MYH3: variants seen among roughly 807,000 people sequenced by gnomAD.
MYH3 encodes myosin-3.
Under a neutral mutation model 238.0 loss-of-function variants are expected in MYH3, and 130 were observed. That is an observed-to-expected ratio of 0.55 (90% CI 0.47 to 0.63). The LOEUF is 0.63. Among genes scored for constraint, MYH3 ranks in the 30% least tolerant of loss-of-function variants. The pLI is 0.00. For synonymous variants in MYH3, 880 were observed against 924.1 expected, an observed-to-expected ratio of 0.95 and a Z score of 0.86; for missense variants, 1,853 against 2,374.9, an observed-to-expected ratio of 0.78 and a Z score of 4.57.
intron 17 of MYH3, 84 bp from the exon 18 acceptor site, chr17:10,641,456 T>C (rs772571803): frequency 1.9e-6 from 2 of 1,039,116 alleles, no homozygotes; most frequent in East Asian, 2.4e-5. Context: ...ATAAGATCTA[T>C]GTTTAAAATT....
the MYH3 span, among the ~76,000 whole-genome samples, chr17:10,667,885 T>C: frequency 6.6e-6 from 1 of 152,186 alleles, no homozygotes; most frequent in Non-Finnish European, 1.5e-5. Context: ...TGCCTTCTTA[T>C]ATGATTTTGA....
At chr17:10,631,539 G>A (rs2074157154) in intron 36 of MYH3, 72 bp downstream of exon 36, 1 of 1,610,972 alleles carries the variant, frequency 6.2e-7, no homozygotes, top group South Asian at 1.1e-5. Flanking sequence ...GACCGCACCT[G>A]TCTAACTATG....
At chr17:10,653,745 C>T (rs2074400844) in intron 3 of MYH3, among the ~76,000 whole-genome samples, 1 of 152,196 alleles carries the variant, frequency 6.6e-6, no homozygotes. Flanking sequence ...GGAAACCTGC[C>T]TTTTCCCTGC....
At position 10,652,480 on chromosome 17, in the gene MYH3, G is replaced by C. The variant is rs755880674; in HGVS notation, c.288C>G (p.His96Gln). 1.2e-6 allele frequency: 2 copies of C among 1,614,084 alleles called. No individual in the cohort carries two copies. Among genetic ancestry groups the C allele is most frequent in the Admixed American group, 1.7e-5 (1 of 60,022 alleles). The change falls in exon 4 of 41, where the codon CAC becomes CAG. Residue 96 changes from histidine to glutamine, a missense_variant. His to Gln is a conservative substitution (Grantham distance 24). Around this residue, in one of 3 missense-constraint regions of MYH3, gnomAD observed 131 missense variants for 123.5 expected, o/e 1.06. Coordinates refer to ENST00000583535, the MANE Select transcript of MYH3 (RefSeq NM_002470.4). ...DRIEDMAMLT[H>Q]LNEPAVLYNL... ...TGTACAGCACGGCTGGCTCATTCAGGTGCGTCAGCATGGCCATGTCTTCGA... is the reference window on the plus strand; with the variant it reads ...TGTACAGCACGGCTGGCTCATTCAGCTGCGTCAGCATGGCCATGTCTTCGA...
At position 10,640,590 on chromosome 17, in the gene MYH3, G is replaced by A. The variant is rs148486334; in HGVS notation, c.2262C>T (p.His754=). Residue 754 remains histidine (H), a synonymous_variant, in exon 20 of 41, where the codon CAC becomes CAT. Transcript: ENST00000583535. ...EKLLASIDID[H]TQYKFGHTKV... ...TGGTATGTCCAAATTTGTACTGAGTGTGGTCAATATCAATGGATGCCAGAA... is the reference window on the plus strand; with the variant it reads ...TGGTATGTCCAAATTTGTACTGAGTATGGTCAATATCAATGGATGCCAGAA... The A allele has an allele frequency of 1.0e-4, 165 of 1,614,258 alleles. No homozygotes were observed. In the African/African-American group the frequency reaches 2.0e-3, roughly 20 times the overall value.
chr17:10,638,770 G>T (rs949159075), intron 26 of MYH3, 103 bp downstream of exon 26: 1 of 1,168,092 alleles, frequency 8.6e-7, no homozygotes, highest in Non-Finnish European at 1.3e-6. Context: ...GAGGCAGGTG[G>T]CCCCACAGTC....
chr17:10,661,247 G>A (rs1198344840), upstream of MYH3, among the ~76,000 whole-genome samples: 1 of 136,442 alleles, frequency 7.3e-6, no homozygotes, highest in Non-Finnish European at 1.5e-5. Context: ...AAAGTGCAAG[G>A]ATTACAGGTG....
At position 10,631,376 on chromosome 17, in the gene MYH3, G is replaced by T. The variant is rs75620462; in HGVS notation, c.5286+235C>A. ...AAGTCAGATGTTGAAGGAAAGACATGCACACCTCTCCACAGGCAGAACTAC... is the reference window on the plus strand; with the variant it reads ...AAGTCAGATGTTGAAGGAAAGACATTCACACCTCTCCACAGGCAGAACTAC... On this transcript the variant is annotated intron_variant, in intron 36 of 40. Transcript: ENST00000583535. 1.8e-3 allele frequency among the ~76,000 whole-genome samples: 272 copies of T among 152,310 alleles called. 3 individuals are homozygous for T. Among genetic ancestry groups the T allele is most frequent in the African/African-American group, 5.9e-3 (247 of 41,574 alleles).
Position 10,639,400 on chromosome 17 carries a change from G to A in MYH3, c.3000C>T (p.Leu1000=). The change falls in exon 24 of 41, where the codon CTC becomes CTT. Residue 1000 remains leucine, a synonymous_variant. Coordinates refer to ENST00000583535, the MANE Select transcript of MYH3 (RefSeq NM_002470.4). ...IAKLTREKKA[L]QEAHQQALDD... ...CCAAGGCCTGCTGGTGCGCCTCTTG[G>A]AGGGCCTTCTTCTCTCTGGTTAACT... The A allele has an allele frequency of 6.2e-7, 1 of 1,614,108 alleles. No individual in the cohort carries two copies. Among genetic ancestry groups the A allele is most frequent in the Non-Finnish European group, 8.5e-7 (1 of 1,180,008 alleles).
At chr17:10,675,881 C>G in the MYH3 span, 1 of 152,088 alleles carries the variant, frequency 6.6e-6, no homozygotes, top group Non-Finnish European at 1.5e-5. Context: ...CTTCCTTGAA[C>G]TGGGTGCAAA....
chr17:10,650,407 A>G lies in MYH3; in HGVS notation c.506-6T>C, dbSNP rs1207382982. On this transcript the variant is annotated splice_polypyrimidine_tract_variant and splice_region_variant and intron_variant, in intron 5 of 40. Transcript: ENST00000583535. ...AATGGACTGGTTTTCACGATCTGCC[A>G]GAGGAAAAAATAAAATAGAGTTGAT... 1.9e-6 allele frequency: 3 copies of G among 1,611,604 alleles called. No individual in the cohort carries two copies. Among genetic ancestry groups the G allele is most frequent in the South Asian group, 2.2e-5 (2 of 91,036 alleles).
In MYH3 at chr17:10,642,086, A is replaced by G. The variant is rs2074278293; in HGVS notation, c.1959+154T>C. Reference sequence around the variant, plus strand: ...ATCGCACATTGGTTAGACCGTATTTATTATATTTTATCATCTGTCACTTCA... The same window carrying G: ...ATCGCACATTGGTTAGACCGTATTTGTTATATTTTATCATCTGTCACTTCA... On this transcript the variant is annotated intron_variant, in intron 17 of 40. Coordinates refer to ENST00000583535, the MANE Select transcript of MYH3 (RefSeq NM_002470.4). The surrounding 1 kb of genome is among the most constrained non-coding windows in gnomAD (Gnocchi z 5.4). Among the ~76,000 whole-genome samples, 1 of 144,502 alleles carries G rather than the reference A, an allele frequency of 6.9e-6. No individual in the cohort carries two copies. Among genetic ancestry groups the G allele is most frequent in the South Asian group, 2.3e-4 (1 of 4,408 alleles). 94.8% of individuals were successfully genotyped at this position (144,502 alleles called of 152,430 possible).
chr17:10,671,427 C>T, the MYH3 span, among the ~76,000 whole-genome samples: 1 of 152,134 alleles, frequency 6.6e-6, no homozygotes, highest in Non-Finnish European at 1.5e-5. Context: ...GTCCATTTTA[C>T]CCCCATCCTC....
Position 10,642,130 on chromosome 17 carries a change from G to T in MYH3, c.1959+110C>A. The T allele has an allele frequency of 9.7e-7, 1 of 1,028,248 alleles. No individual in the cohort carries two copies. The highest frequency in any genetic ancestry group is 1.5e-6 in the Non-Finnish European group (1 of 669,496). 63.7% of individuals were successfully genotyped at this position (1,028,248 alleles called of 1,614,324 possible). A position where few individuals can be genotyped will look rare whatever the true frequency, so the allele number is the denominator to read the frequency against. On this transcript the variant is annotated intron_variant, in intron 17 of 40. Coordinates refer to ENST00000583535, the MANE Select transcript of MYH3 (RefSeq NM_002470.4). This position sits in a 1 kb window ranked among gnomAD's most constrained non-coding sequence, Gnocchi z 5.4. ...CACTTCACCTCAGTGACAGTAATCAGATTAAGACAACACTACTACTCTCAA... is the reference window on the plus strand; with the variant it reads ...CACTTCACCTCAGTGACAGTAATCATATTAAGACAACACTACTACTCTCAA...
At chr17:10,644,168 A>G (rs747550407) in intron 14 of MYH3, among the ~76,000 whole-genome samples, 183 bp downstream of exon 14, 5 of 34,504 alleles carry the variant, frequency 1.4e-4, no homozygotes, top group Non-Finnish European at 5.4e-4. Context: ...AAAAAAAAAA[A>G]CAAACAAAAA....
At chr17:10,653,104 A>T (rs901045739) in intron 3 of MYH3, among the ~76,000 whole-genome samples, 2 of 152,056 alleles carry the variant, frequency 1.3e-5, no homozygotes, top group African/African-American at 4.8e-5. Flanking sequence ...CTTCCTCCCC[A>T]TTGGGCCTGA....
In MYH3 at chr17:10,647,058, T is replaced by TAAATAAAATA. The variant is rs56762662; in HGVS notation, c.898+114_898+123dup. Reference sequence around the variant, plus strand: ...GAGTGAGACCCTATCTCAAAATAAATAAATAAAATAAAATAAACTTTCCCT... The same window carrying TAAATAAAATA: ...GAGTGAGACCCTATCTCAAAATAAATAAATAAAATAAAATAAAATAAAATAAACTTTCCCT... On this transcript the variant is annotated intron_variant, in intron 10 of 40. Coordinates refer to ENST00000583535, the MANE Select transcript of MYH3 (RefSeq NM_002470.4). 4 of 786,062 alleles carry TAAATAAAATA rather than the reference T, an allele frequency of 5.1e-6. No individual in the cohort carries two copies. The African/African-American group carries it at 7.1e-5, about 14-fold the overall frequency. The allele number at this position is 786,062 out of a possible 1,614,324, so 48.7% of individuals were successfully genotyped here. A position where few individuals can be genotyped will look rare whatever the true frequency, so the allele number is the denominator to read the frequency against.
At chr17:10,672,249 T>A in the MYH3 span, among the ~76,000 whole-genome samples, 129 of 152,344 alleles carry the variant, frequency 8.5e-4, 1 homozygote, top group African/African-American at 3.0e-3. Context: ...CTATCTTTGT[T>A]ACATAGTAAC....
chr17:10,640,477 G>A lies in MYH3; in HGVS notation c.2290-8C>T. 3.1e-6 allele frequency: 5 copies of A among 1,614,186 alleles called. No individual in the cohort carries two copies. The highest frequency in any genetic ancestry group is 4.2e-6 in the Non-Finnish European group (5 of 1,180,036). ...GCCAGCCTTGAAGAACACCTTATGG[G>A]GCAGAAGGGTGACATGAGTCAGTTT... On this transcript the variant is annotated splice_region_variant and splice_polypyrimidine_tract_variant and intron_variant, in intron 20 of 40. Transcript: ENST00000583535.
Sources: gnomAD v4.1 joint callset for allele counts (sites outside exome capture counted in the v4.1 genomes callset) on GRCh38, gnomAD v4.1.1 for gene constraint, gnomAD v4.1.1 regional missense constraint, Gnocchi (gnomAD v3.1) non-coding constraint, MANE v1.5 for transcripts, NCBI Gene and HGNC (gene_info 2026-07-23, HGNC 2026-07-21) for gene names.